Variants in CRCP observed in about 807,000 individuals in gnomAD.
CRCP encodes CGRP receptor component, also known as DNA-directed RNA polymerase III subunit RPC9.
A neutral mutation model predicts 18.5 loss-of-function variants in CRCP; 18 were observed. The ratio of observed to expected loss-of-function variants is 0.97; its 90% CI spans 0.67 to 1.44. The LOEUF (loss-of-function observed/expected upper bound fraction) is 1.44. Among genes scored for constraint, CRCP ranks in the 40% most tolerant of loss-of-function variants. CRCP has a pLI of 0.00. For missense variants in CRCP, 130 were observed against 176.4 expected (o/e 0.74, Z 1.49); for synonymous variants, 53 against 62.9 (o/e 0.84, Z 0.75).
intron 4 of CRCP, among the ~76,000 whole-genome samples, chr7:66,135,332 T>C (rs1787938906): frequency 6.6e-6 from 1 of 152,196 alleles, no homozygotes. Flanking sequence ...TTGAGAACAT[T>C]AAATGTCACG....
Position 66,130,831 on chromosome 7 carries a change from A to G in CRCP, c.133A>G (p.Ile45Val), listed in dbSNP as rs745514356. 6.4e-6 allele frequency: 10 copies of G among 1,557,666 alleles called. No homozygotes were observed. The highest frequency in any genetic ancestry group is 8.9e-6 in the Non-Finnish European group (10 of 1,129,266). The change falls in exon 3 of 6, where the codon ATC becomes GTC. Residue 45 changes from isoleucine (I) to valine (V), a missense_variant. Coordinates refer to ENST00000395326, the MANE Select transcript of CRCP (RefSeq NM_014478.5). ...CTCTGGGCAACAGAACTTGAACACT[A>G]TCACCTATGAAGTAAGGCTGGGCTT... ...HSSGQQNLNT[I>V]TYETLKYISK...
At chr7:66,126,586 C>A in intron 1 of CRCP, 1 of 412,144 alleles carries the variant, frequency 2.4e-6, no homozygotes, top group South Asian at 1.8e-5. Context: ...ACAGGGTTTT[C>A]AGTGAGAATT....
At chr7:66,134,140 G>A (rs1787897394) in intron 3 of CRCP, 140 bp from the exon 4 acceptor site, 2 of 633,024 alleles carry the variant, frequency 3.2e-6, no homozygotes, top group Non-Finnish European at 5.5e-6. Flanking sequence ...GATTACAGGT[G>A]TGAGCCACCG....
rs1345712693 is a variant in CRCP at position 66,151,756 on chromosome 7, T to C, written c.298-452T>C. Among the ~76,000 whole-genome samples the C allele has an allele frequency of 8.2e-4, 118 of 143,086 alleles. 2 individuals are homozygous for C. The highest frequency in any genetic ancestry group is 1.3e-3 in the Non-Finnish European group (86 of 65,220). 93.9% of individuals were successfully genotyped at this position (143,086 alleles called of 152,430 possible). ...GCTTTTTCCTTTTTTTCTTTTCTTTTTTTTTTTTTTTTTTTAGACAAAGTC... is the reference window on the plus strand; with the variant it reads ...GCTTTTTCCTTTTTTTCTTTTCTTTCTTTTTTTTTTTTTTTAGACAAAGTC... On this transcript the variant is annotated intron_variant, in intron 5 of 5. Coordinates refer to ENST00000395326, the MANE Select transcript of CRCP (RefSeq NM_014478.5).
intron 4 of CRCP, among the ~76,000 whole-genome samples, chr7:66,135,401 A>G (rs1787942216): frequency 1.3e-5 from 2 of 152,256 alleles, no homozygotes; most frequent in Non-Finnish European, 2.9e-5. Flanking sequence ...AGGAAATGTG[A>G]TAATGTAGAA....
chr7:66,132,399 T>C (rs920952907), intron 3 of CRCP, among the ~76,000 whole-genome samples: 1 of 152,198 alleles, frequency 6.6e-6, no homozygotes, highest in African/African-American at 2.4e-5. Flanking sequence ...GAATGTCTGT[T>C]GATTTGTGAT....
intron 3 of CRCP, among the ~76,000 whole-genome samples, chr7:66,131,652 C>T (rs998221441): frequency 1.3e-4 from 19 of 151,716 alleles, no homozygotes; most frequent in African/African-American, 3.6e-4. Context: ...ATAATTCCTC[C>T]GAAATTTTAT....
intron 4 of CRCP, among the ~76,000 whole-genome samples, chr7:66,135,484 C>A (rs1787944751): frequency 6.6e-6 from 1 of 152,158 alleles, no homozygotes; most frequent in East Asian, 1.9e-4. Context: ...TGGGTAAATG[C>A]AGAAGACCTT....
chr7:66,152,560 G>C lies in CRCP; in HGVS notation c.*203G>C, dbSNP rs1788508291. On this transcript the variant is annotated 3_prime_UTR_variant, in exon 6 of 6. Transcript: ENST00000395326. ...AACATGGTGAAAACAGGCTGAGGTTGTCAGGGCAGAGAGCTGAAGGTGGGG... is the reference window on the plus strand; with the variant it reads ...AACATGGTGAAAACAGGCTGAGGTTCTCAGGGCAGAGAGCTGAAGGTGGGG... 1.7e-6 allele frequency: 1 copy of C among 583,246 alleles called. No individual in the cohort carries two copies. Among genetic ancestry groups the C allele is most frequent in the Non-Finnish European group, 3.0e-6 (1 of 336,972 alleles). The allele number at this position is 583,246 out of a possible 1,614,324, so 36.1% of individuals were successfully genotyped here. A position where few individuals can be genotyped will look rare whatever the true frequency, so the allele number is the denominator to read the frequency against.
chr7:66,125,457 T>TA (rs562235201), intron 1 of CRCP, among the ~76,000 whole-genome samples: 1 of 149,420 alleles, frequency 6.7e-6, no homozygotes, highest in African/African-American at 2.4e-5. Flanking sequence ...AGCTGGGTTT[T>TA]AAAAAAATTT....
Position 66,124,246 on chromosome 7 carries a change from G to A in CRCP, c.9-3458G>A, listed in dbSNP as rs558898646. On this transcript the variant is annotated intron_variant, in intron 1 of 5. Transcript: ENST00000395326. Reference sequence around the variant, plus strand: ...CTGATGGCGGGTGCCTGTAGTCCCAGCTGCTTGGGAGGCTGAGGCAGGAGA... The same window carrying A: ...CTGATGGCGGGTGCCTGTAGTCCCAACTGCTTGGGAGGCTGAGGCAGGAGA... Among the ~76,000 whole-genome samples, 552 of 150,540 alleles carry A rather than the reference G, an allele frequency of 3.7e-3. 1 individual carries two copies. Among genetic ancestry groups the A allele is most frequent in the Non-Finnish European group, 5.8e-3 (393 of 67,744 alleles).
At chr7:66,115,082 G>T in intron 1 of CRCP, 112 bp downstream of exon 1, 14 of 1,479,288 alleles carry the variant, frequency 9.5e-6, no homozygotes, top group Non-Finnish European at 1.3e-5. Flanking sequence ...GGGAGTGAGG[G>T]CAGCGGGCCG....
chr7:66,125,045 T>G (rs905678834), intron 1 of CRCP, among the ~76,000 whole-genome samples: 1 of 149,430 alleles, frequency 6.7e-6, no homozygotes, highest in African/African-American at 2.4e-5. Context: ...CAGATGACAT[T>G]GATATTTGAA....
chr7:66,136,985 G>T (rs1439668747), intron 4 of CRCP, among the ~76,000 whole-genome samples: 2 of 151,854 alleles, frequency 1.3e-5, no homozygotes, highest in African/African-American at 4.8e-5. Context: ...GGAGGCTGAG[G>T]CAGGAGAATC....
At chr7:66,131,563 A>G (rs1382242616) in intron 3 of CRCP, among the ~76,000 whole-genome samples, 1 of 151,822 alleles carries the variant, frequency 6.6e-6, no homozygotes, top group Non-Finnish European at 1.5e-5. Context: ...TTCCCACTGC[A>G]GCGTCCCAAA....
At chr7:66,140,305 TG>T (rs1788095951) in intron 4 of CRCP, among the ~76,000 whole-genome samples, 1 of 152,238 alleles carries the variant, frequency 6.6e-6, no homozygotes, top group South Asian at 2.1e-4. Context: ...TCTCAGGTTT[TG>T]TTTCCCTCCC....
intron 3 of CRCP, among the ~76,000 whole-genome samples, chr7:66,132,179 A>G (rs1787828736): frequency 1.3e-5 from 2 of 152,194 alleles, no homozygotes; most frequent in Admixed American, 1.3e-4. Context: ...AAACCAAGAA[A>G]TTAACATTGG....
rs1009659364 is a variant in CRCP at position 66,153,659 on chromosome 7, G to A, written c.*1302G>A. 6.6e-6 allele frequency: 1 copy of A among 151,954 alleles called. No individual in the cohort carries two copies. Among genetic ancestry groups the A allele is most frequent in the African/African-American group, 2.4e-5 (1 of 41,376 alleles). The allele number at this position is 151,954 out of a possible 1,614,324, so 9.4% of individuals were successfully genotyped here. ...GCGCTCTTATTTTCAATGCTAATTG[G>A]ATTACTTCTCTTCCAACCCTCCTGC... On this transcript the variant is annotated 3_prime_UTR_variant, in exon 6 of 6. Coordinates refer to ENST00000395326, the MANE Select transcript of CRCP (RefSeq NM_014478.5).
intron 2 of CRCP, 38 bp from the exon 3 acceptor site, chr7:66,130,706 A>G (rs757110350): frequency 7.8e-7 from 1 of 1,281,282 alleles, no homozygotes; most frequent in African/African-American, 1.5e-5. Context: ...ATATTTCTCA[A>G]ATTTATTCAT....
Sources: gnomAD v4.1 joint callset for allele counts (sites outside exome capture counted in the v4.1 genomes callset) on GRCh38, gnomAD v4.1.1 for gene constraint, MANE v1.5 for transcripts, NCBI Gene and HGNC (gene_info 2026-07-23, HGNC 2026-07-21) for gene names.